The following PPARGC1A variants were observed in gnomAD, a reference collection of about 807,000 sequenced individuals.
The protein encoded by PPARGC1A is peroxisome proliferator-activated receptor gamma coactivator 1-alpha.
A neutral mutation model predicts 88.7 loss-of-function variants in PPARGC1A; 25 were observed. The ratio of observed to expected loss-of-function variants is 0.28; its 90% CI spans 0.21 to 0.39. PPARGC1A has a LOEUF of 0.39. Ranked by LOEUF, PPARGC1A falls within the 10% of genes least tolerant of loss-of-function variation. The probability of loss-of-function intolerance (pLI) is 1.00; values close to 1 mark genes in which losing one functional copy is unlikely to be tolerated. For synonymous variants in PPARGC1A, 363 were observed against 355.6 expected (o/e 1.02, Z -0.24); for missense variants, 880 against 968.7 (o/e 0.91, Z 1.22).
the PPARGC1A span, among the ~76,000 whole-genome samples, chr4:24,429,842 G>T: frequency 6.6e-6 from 1 of 151,812 alleles, no homozygotes. Flanking sequence ...GTAGAGATGG[G>T]GTTTCACCAT....
chr4:24,075,500 C>T, the PPARGC1A span, among the ~76,000 whole-genome samples: 1 of 152,174 alleles, frequency 6.6e-6, no homozygotes, highest in Non-Finnish European at 1.5e-5. Context: ...GCTAATCCTG[C>T]TCCAACTGTG....
the PPARGC1A span, among the ~76,000 whole-genome samples, chr4:23,916,232 T>C: frequency 6.6e-6 from 1 of 152,218 alleles, no homozygotes; most frequent in Non-Finnish European, 1.5e-5. Flanking sequence ...ACATGGATAA[T>C]AACTACCTTT....
the PPARGC1A span, among the ~76,000 whole-genome samples, chr4:24,135,931 C>A: frequency 6.6e-6 from 1 of 152,146 alleles, no homozygotes; most frequent in Non-Finnish European, 1.5e-5. Context: ...CTCAAACTTA[C>A]CTGGCCCTGC....
At chr4:24,373,987 A>G in the PPARGC1A span, among the ~76,000 whole-genome samples, 1 of 152,214 alleles carries the variant, frequency 6.6e-6, no homozygotes, top group African/African-American at 2.4e-5. Context: ...AACAAAACCA[A>G]GGAGGCACTG....
chr4:24,055,318 A>G, the PPARGC1A span, among the ~76,000 whole-genome samples: 1 of 152,204 alleles, frequency 6.6e-6, no homozygotes, highest in South Asian at 2.1e-4. Flanking sequence ...TCTTCATTCA[A>G]GAAGTAGTGG....
the PPARGC1A span, among the ~76,000 whole-genome samples, chr4:23,963,486 AC>A: frequency 6.6e-6 from 1 of 152,182 alleles, no homozygotes; most frequent in South Asian, 2.1e-4. Context: ...AATTTCTGTT[AC>A]ATGGGTATTT....
the PPARGC1A span, among the ~76,000 whole-genome samples, chr4:24,470,277 G>GACACAGACACAC: frequency 2.7e-5 from 3 of 110,676 alleles, no homozygotes; most frequent in Admixed American, 9.2e-5. The surrounding 1 kb of genome is among the most constrained non-coding windows in gnomAD (Gnocchi z 5.8). Context: ...GACAGACACA[G>GACACAGACACAC]ACACACACAC....
the PPARGC1A span, among the ~76,000 whole-genome samples, chr4:24,360,128 G>T: frequency 5.3e-5 from 8 of 152,174 alleles, no homozygotes; most frequent in African/African-American, 1.9e-4. Flanking sequence ...CACTTCTATA[G>T]CTGCCACTCA....
chr4:24,193,424 TC>T, the PPARGC1A span, among the ~76,000 whole-genome samples: 1 of 152,066 alleles, frequency 6.6e-6, no homozygotes, highest in Non-Finnish European at 1.5e-5. Flanking sequence ...ATCTCACCTC[TC>T]CCCAGCCTTC....
chr4:24,270,325 CTCTCTCTCTGTGTG>C, the PPARGC1A span, among the ~76,000 whole-genome samples: 2 of 67,322 alleles, frequency 3.0e-5, no homozygotes, highest in Admixed American at 3.4e-4. Context: ...CTCTCTCTCT[CTCTCTCTCTGTGTG>C]TGTGTGTGTG....
At chr4:24,043,460 TGGGTTCCA>T in the PPARGC1A span, among the ~76,000 whole-genome samples, 1 of 152,182 alleles carries the variant, frequency 6.6e-6, no homozygotes, top group Admixed American at 6.5e-5. Context: ...CGTGTTACTG[TGGGTTCCA>T]GGTGAATTAC....
the PPARGC1A span, among the ~76,000 whole-genome samples, chr4:24,122,408 TGTGTGTGC>T: frequency 5.1e-5 from 7 of 137,146 alleles, no homozygotes; most frequent in East Asian, 4.2e-4. Flanking sequence ...TGTGTGTGTG[TGTGTGTGC>T]ATATATATAT....
the PPARGC1A span, among the ~76,000 whole-genome samples, chr4:23,980,199 A>G: frequency 6.6e-6 from 1 of 151,876 alleles, no homozygotes; most frequent in East Asian, 1.9e-4. Context: ...AAAAAAAAAA[A>G]AAAAAAAAAA....
At chr4:24,205,954 T>C in the PPARGC1A span, among the ~76,000 whole-genome samples, 3 of 152,344 alleles carry the variant, frequency 2.0e-5, no homozygotes, top group Non-Finnish European at 2.9e-5. Flanking sequence ...CTTTGAATTA[T>C]TAAAACTCAG....
intron 2 of PPARGC1A, among the ~76,000 whole-genome samples, chr4:23,877,468 G>C (rs959628294): frequency 6.7e-6 from 1 of 149,570 alleles, no homozygotes; most frequent in African/African-American, 2.5e-5. Context: ...AACCCAGGAG[G>C]GGGAGGTTGC....
the PPARGC1A span, among the ~76,000 whole-genome samples, chr4:24,345,006 A>G: frequency 2.0e-5 from 3 of 152,128 alleles, no homozygotes; most frequent in Non-Finnish European, 4.4e-5. Context: ...TTTGTTGAAA[A>G]GGGGGTCCTT....
At chr4:24,059,858 G>C in the PPARGC1A span, among the ~76,000 whole-genome samples, 1 of 152,066 alleles carries the variant, frequency 6.6e-6, no homozygotes, top group Non-Finnish European at 1.5e-5. Context: ...AGGGCAATGT[G>C]GCCTAAAATT....
chr4:23,876,103 C>T (rs1000856843), intron 2 of PPARGC1A: 3 of 152,390 alleles, frequency 2.0e-5, no homozygotes, highest in Non-Finnish European at 4.4e-5. Flanking sequence ...ACACAGATAG[C>T]ATAGTTAGTT....
chr4:24,396,138 C>T, the PPARGC1A span, among the ~76,000 whole-genome samples: 1 of 152,024 alleles, frequency 6.6e-6, no homozygotes, highest in Non-Finnish European at 1.5e-5. Context: ...CATCAGGGTG[C>T]CGGGGACAGT....
Sources: allele counts gnomAD v4.1 joint callset (sites outside exome capture counted in the v4.1 genomes callset), GRCh38; gene constraint gnomAD v4.1.1; non-coding constraint Gnocchi (gnomAD v3.1); transcripts MANE v1.5; gene names NCBI Gene and HGNC (gene_info 2026-07-23, HGNC 2026-07-21).